KIF5B: variants seen among roughly 807,000 people sequenced by gnomAD.
The protein encoded by KIF5B is kinesin family member 5B, also known as kinesin-1 heavy chain.
Under a neutral mutation model 132.8 loss-of-function variants are expected in KIF5B, and 49 were observed. The ratio of observed to expected loss-of-function variants is 0.37; its 90% CI spans 0.29 to 0.47. The LOEUF (loss-of-function observed/expected upper bound fraction) is 0.47. Ranked by LOEUF, KIF5B falls within the 20% of genes least tolerant of loss-of-function variation. The pLI is 1.00. For synonymous variants in KIF5B, 355 were observed against 369.4 expected (o/e 0.96, Z 0.45); for missense variants, 780 against 1,144.0 (o/e 0.68, Z 4.59).
chr10:32,040,863 C>T (rs1052178498), intron 2 of KIF5B, among the ~76,000 whole-genome samples: 2 of 151,756 alleles, frequency 1.3e-5, no homozygotes, highest in African/African-American at 2.4e-5. Flanking sequence ...TGGCGCGTGC[C>T]TGTAGTCCCA....
Position 32,018,147 on chromosome 10 carries a change from T to A in KIF5B, c.2449A>T (p.Ile817Phe), listed in dbSNP as rs772928299. ...LATRVKKSAEIDSDDTGGSAA... is the reference protein window; with the variant it reads ...LATRVKKSAEFDSDDTGGSAA... ...CTGCCTCCGGTGTCATCAGAATCAATCTCAGCACTCTGAGAAAAGAAGGTA... is the reference window on the plus strand; with the variant it reads ...CTGCCTCCGGTGTCATCAGAATCAAACTCAGCACTCTGAGAAAAGAAGGTA... Residue 817 changes from isoleucine to phenylalanine, a missense_variant, in exon 23 of 26, where the codon ATT becomes TTT. Physicochemically the swap from Ile to Phe is conservative, Grantham distance 21. This residue lies in a region of KIF5B where 471 missense variants were observed against 569.9 expected (regional missense o/e 0.83). Coordinates refer to ENST00000302418, the MANE Select transcript of KIF5B (RefSeq NM_004521.3). 2 of 1,593,586 alleles carry A rather than the reference T, an allele frequency of 1.3e-6. No homozygotes were observed. Among genetic ancestry groups the A allele is most frequent in the Non-Finnish European group, 8.5e-7 (1 of 1,171,440 alleles).
intron 14 of KIF5B, among the ~76,000 whole-genome samples, chr10:32,029,260 G>T (rs896219621): frequency 6.6e-6 from 1 of 152,188 alleles, no homozygotes; most frequent in African/African-American, 2.4e-5. Flanking sequence ...GGGACTTTTT[G>T]AGTGCTTGCA....
intron 16 of KIF5B, 25 bp from the exon 17 acceptor site, chr10:32,022,282 G>T (rs189359261): frequency 1.7e-6 from 2 of 1,190,000 alleles, no homozygotes; most frequent in Admixed American, 1.8e-5. Context: ...ATACTGATAT[G>T]AAGTGGAAAA....
chr10:32,055,962 C>G lies in KIF5B; in HGVS notation c.12G>C (p.Leu4=). Residue 4 remains leucine, a synonymous_variant, in exon 1 of 26, where the codon CTG becomes CTC. Coordinates refer to ENST00000302418, the MANE Select transcript of KIF5B (RefSeq NM_004521.3). MAD[L]AECNIKVMCR... is the part of the protein sequence containing the mutation. The stretch of plus-strand genomic sequence containing the variant: ...ACATCACTTTGATGTTGCACTCGGC[C>G]AGGTCCGCCATCTTTCTCGCAGCCG... 3 of 1,607,142 alleles carry G rather than the reference C, an allele frequency of 1.9e-6. No individual in the cohort carries two copies. The highest frequency in any genetic ancestry group is 2.5e-6 in the Non-Finnish European group (3 of 1,179,840).
Position 32,023,007 on chromosome 10 carries a change from T to C in KIF5B, c.1755A>G (p.Glu585=). 6.2e-7 allele frequency: 1 copy of C among 1,605,154 alleles called. No individual in the cohort carries two copies. Residue 585 remains glutamate, a synonymous_variant, in exon 16 of 26, where the codon GAA becomes GAG. Coordinates refer to ENST00000302418, the MANE Select transcript of KIF5B (RefSeq NM_004521.3). ...KQPEGTGMID[E]EFTVARLYIS... is the part of the protein sequence containing the mutation. Reference sequence around the variant, plus strand: ...TGTAGAGTCTTGCAACAGTGAACTCTTCATCTATCATGCCAGTTCCCTCAG... The same window carrying C: ...TGTAGAGTCTTGCAACAGTGAACTCCTCATCTATCATGCCAGTTCCCTCAG...
intron 10 of KIF5B, among the ~76,000 whole-genome samples, 179 bp from the exon 11 acceptor site, chr10:32,035,017 C>T (rs1293306254): frequency 6.6e-6 from 1 of 151,592 alleles, no homozygotes; most frequent in Non-Finnish European, 1.5e-5. Flanking sequence ...TGAGTCTGCT[C>T]CAAAATCTGT....
intron 1 of KIF5B, among the ~76,000 whole-genome samples, chr10:32,055,569 C>T (rs991341879): frequency 1.3e-5 from 2 of 152,108 alleles, no homozygotes; most frequent in African/African-American, 2.4e-5. Context: ...GAACTTGCTG[C>T]CCGGACGTTC....
At chr10:32,031,626 T>G (rs1841403290) in intron 13 of KIF5B, among the ~76,000 whole-genome samples, 1 of 151,988 alleles carries the variant, frequency 6.6e-6, no homozygotes, top group East Asian at 2.0e-4. Context: ...CATGGAGAAG[T>G]TGGCTAGGAG....
intron 2 of KIF5B, among the ~76,000 whole-genome samples, chr10:32,043,641 A>C (rs1841572249): frequency 6.6e-6 from 1 of 152,230 alleles, no homozygotes; most frequent in Non-Finnish European, 1.5e-5. Context: ...TACTTAACAC[A>C]AGGGAAACAA....
At chr10:32,016,486 T>A (rs1453081733) in intron 24 of KIF5B, among the ~76,000 whole-genome samples, 1 of 151,798 alleles carries the variant, frequency 6.6e-6, no homozygotes, top group African/African-American at 2.4e-5. Context: ...AATAAATAAA[T>A]AAAACACAAA....
At chr10:32,052,125 A>G (rs1360873454) in intron 1 of KIF5B, among the ~76,000 whole-genome samples, 2 of 152,220 alleles carry the variant, frequency 1.3e-5, no homozygotes, top group African/African-American at 4.8e-5. Flanking sequence ...TGCACCGACC[A>G]GACTGAAGAC....
intron 25 of KIF5B, among the ~76,000 whole-genome samples, 174 bp downstream of exon 25, chr10:32,015,335 A>C (rs1248390419): frequency 6.6e-6 from 1 of 152,222 alleles, no homozygotes; most frequent in Non-Finnish European, 1.5e-5. Context: ...AAGACCACAA[A>C]TTTGAATATA....
At chr10:32,013,092 G>C (rs998764854) in intron 25 of KIF5B, among the ~76,000 whole-genome samples, 1 of 151,878 alleles carries the variant, frequency 6.6e-6, no homozygotes, top group African/African-American at 2.4e-5. Context: ...GTAGAGGCAG[G>C]GTTTCTCCGT....
In KIF5B at chr10:32,033,829, A is replaced by G; in HGVS notation, c.1305+16T>C. On this transcript the variant is annotated intron_variant, in intron 12 of 25. Coordinates refer to ENST00000302418, the MANE Select transcript of KIF5B (RefSeq NM_004521.3). ...GTATCCTAATATAAAGCAGACCTAAATCAAGCAATACCTACCTTGTCATCA... is the reference window on the plus strand; with the variant it reads ...GTATCCTAATATAAAGCAGACCTAAGTCAAGCAATACCTACCTTGTCATCA... 6.3e-7 allele frequency: 1 copy of G among 1,585,972 alleles called. No homozygotes were observed. Among genetic ancestry groups the G allele is most frequent in the South Asian group, 1.1e-5 (1 of 89,240 alleles).
intron 24 of KIF5B, among the ~76,000 whole-genome samples, chr10:32,016,827 C>T (rs1226481406): frequency 2.0e-5 from 3 of 152,328 alleles, no homozygotes; most frequent in African/African-American, 4.8e-5. Context: ...TGAGCCGCTG[C>T]GCCCAGCCAC....
chr10:32,029,163 A>G (rs1841367683), intron 14 of KIF5B, among the ~76,000 whole-genome samples: 1 of 152,220 alleles, frequency 6.6e-6, no homozygotes, highest in Non-Finnish European at 1.5e-5. Flanking sequence ...TGAAAAGTCC[A>G]ACCCAGTTTG....
chr10:32,052,141 T>C (rs1426713527), intron 1 of KIF5B, among the ~76,000 whole-genome samples: 3 of 152,160 alleles, frequency 2.0e-5, no homozygotes, highest in African/African-American at 7.2e-5. Context: ...AAGACCAAAT[T>C]TGGTTATGAA....
rs767787515 is a variant in KIF5B at position 32,022,123 on chromosome 10, A to T, written c.2032+17T>A. Reference sequence around the variant, plus strand: ...ATAAGAACACAGATGTAACTCATAAACAGTTGGAAGCTATACCTTGTGCTC... The same window carrying T: ...ATAAGAACACAGATGTAACTCATAATCAGTTGGAAGCTATACCTTGTGCTC... On this transcript the variant is annotated intron_variant, in intron 17 of 25. Transcript: ENST00000302418. The T allele has an allele frequency of 6.4e-6, 8 of 1,246,902 alleles. No individual in the cohort carries two copies. Among genetic ancestry groups the T allele is most frequent in the Non-Finnish European group, 3.5e-6 (3 of 865,396 alleles). 77.2% of individuals were successfully genotyped at this position (1,246,902 alleles called of 1,614,324 possible).
intron 15 of KIF5B, 122 bp downstream of exon 15, chr10:32,028,306 C>T: frequency 2.6e-6 from 2 of 771,670 alleles, no homozygotes; most frequent in Admixed American, 5.4e-5. Context: ...ATAACATCTA[C>T]TACACGACTG....
Sources: gnomAD v4.1 joint callset for allele counts (sites outside exome capture counted in the v4.1 genomes callset) on GRCh38, gnomAD v4.1.1 for gene constraint, gnomAD v4.1.1 regional missense constraint, MANE v1.5 for transcripts, NCBI Gene and HGNC (gene_info 2026-07-23, HGNC 2026-07-21) for gene names.